ROBO1: variants seen among roughly 807,000 people sequenced by gnomAD.
ROBO1 encodes the protein roundabout guidance receptor 1.
Under a neutral mutation model 195.9 loss-of-function variants are expected in ROBO1, and 149 were observed. The observed-to-expected ratio is 0.76, with a 90% CI of 0.67 to 0.87. ROBO1 has a LOEUF of 0.87. ROBO1 is among the 40% of genes least tolerant of loss of function. The pLI is 0.00. For synonymous variants in ROBO1, 816 were observed against 733.2 expected, an observed-to-expected ratio of 1.11 and a Z score of -1.82; for missense variants, 1,933 against 2,068.3, an observed-to-expected ratio of 0.93 and a Z score of 1.27.
rs549941440 is a variant in ROBO1 at position 79,689,179 on chromosome 3, A to G, written c.-51+78573T>C. ...TCAAAAACACTAAGCTTAATACAGG[A>G]TATCAAACCTTTGATTTTAAAGTAC... On this transcript the variant is annotated intron_variant, in intron 1 of 30. Coordinates refer to ENST00000464233, the MANE Select transcript of ROBO1 (RefSeq NM_002941.4). 2.0e-5 allele frequency among the ~76,000 whole-genome samples: 3 copies of G among 152,166 alleles called. No individual in the cohort carries two copies. The South Asian group carries it at 6.2e-4, about 32-fold the overall frequency.
At chr3:79,145,839 A>T (rs369564600) in intron 2 of ROBO1, among the ~76,000 whole-genome samples, 1 of 152,038 alleles carries the variant, frequency 6.6e-6, no homozygotes, top group African/African-American at 2.4e-5. Context: ...CGAATTAAAT[A>T]AAATAAAATG....
chr3:79,306,980 A>C (rs1294159109), intron 2 of ROBO1, among the ~76,000 whole-genome samples: 1 of 152,116 alleles, frequency 6.6e-6, no homozygotes, highest in African/African-American at 2.4e-5. Flanking sequence ...CTGTTGTAGA[A>C]ATATATAGAA....
chr3:79,327,666 G>A (rs1377264987), intron 2 of ROBO1, among the ~76,000 whole-genome samples: 3 of 152,016 alleles, frequency 2.0e-5, no homozygotes, highest in Non-Finnish European at 4.4e-5. Context: ...ATCACCAGTT[G>A]CTTGTTTTTT....
chr3:78,851,529 TG>T (rs2034066522), intron 4 of ROBO1, among the ~76,000 whole-genome samples: 2 of 152,216 alleles, frequency 1.3e-5, no homozygotes, highest in Admixed American at 1.3e-4. Context: ...GCACATTTCC[TG>T]GCATACAGAA....
intron 1 of ROBO1, among the ~76,000 whole-genome samples, chr3:79,755,145 G>A (rs1368637815): frequency 1.3e-5 from 2 of 152,154 alleles, no homozygotes; most frequent in South Asian, 4.1e-4. Flanking sequence ...CTCCCAAAGT[G>A]CTGGGATTAC....
chr3:78,744,056 C>T (rs898262294), intron 5 of ROBO1, among the ~76,000 whole-genome samples: 8 of 152,138 alleles, frequency 5.3e-5, no homozygotes, highest in African/African-American at 1.9e-4. Context: ...GACAATTATA[C>T]TTGGATATCC....
chr3:78,899,207 C>CAACTTAAATAAGTA (rs1183471838), intron 4 of ROBO1, among the ~76,000 whole-genome samples: 1 of 152,090 alleles, frequency 6.6e-6, no homozygotes, highest in Non-Finnish European at 1.5e-5. Flanking sequence ...GGCTGAGGGA[C>CAACTTAAATAAGTA]AACTTAAATA....
chr3:79,126,624 A>T (rs2080220080), intron 2 of ROBO1, among the ~76,000 whole-genome samples: 1 of 152,204 alleles, frequency 6.6e-6, no homozygotes, highest in South Asian at 2.1e-4. Flanking sequence ...TCAAGTTCTG[A>T]TGTTCTGCGG....
intron 2 of ROBO1, among the ~76,000 whole-genome samples, chr3:79,268,765 A>G (rs1246970237): frequency 3.3e-5 from 5 of 151,658 alleles, no homozygotes; most frequent in Admixed American, 1.3e-4. Flanking sequence ...AACCTGTGCT[A>G]GTCTTCTAAC....
intron 2 of ROBO1, among the ~76,000 whole-genome samples, chr3:79,445,649 A>C (rs1480521728): frequency 6.7e-6 from 1 of 149,284 alleles, no homozygotes; most frequent in Non-Finnish European, 1.5e-5. Context: ...GGTGCACACC[A>C]TCAGGCCTGG....
intron 1 of ROBO1, among the ~76,000 whole-genome samples, chr3:79,630,019 A>C (rs1395843669): frequency 6.6e-6 from 1 of 152,186 alleles, no homozygotes; most frequent in East Asian, 1.9e-4. Context: ...AAAAAAGCTC[A>C]GAAACAGATG....
At chr3:79,447,730 T>C (rs2039311310) in intron 2 of ROBO1, among the ~76,000 whole-genome samples, 1 of 152,324 alleles carries the variant, frequency 6.6e-6, no homozygotes, top group South Asian at 2.1e-4. Context: ...ACTAATGTTA[T>C]GGATACACTA....
At chr3:78,892,933 T>A (rs938840110) in intron 4 of ROBO1, among the ~76,000 whole-genome samples, 2 of 152,130 alleles carry the variant, frequency 1.3e-5, no homozygotes, top group Non-Finnish European at 2.9e-5. Flanking sequence ...CTCTCCTCCA[T>A]CAGGTAACCA....
intron 2 of ROBO1, among the ~76,000 whole-genome samples, chr3:79,574,090 G>A (rs1304550372): frequency 6.6e-6 from 1 of 151,892 alleles, no homozygotes; most frequent in African/African-American, 2.4e-5. Flanking sequence ...AAAATTTTAG[G>A]GTGGTTATGT....
intron 2 of ROBO1, among the ~76,000 whole-genome samples, chr3:79,531,935 C>A (rs1941678764): frequency 2.0e-5 from 3 of 152,130 alleles, no homozygotes; most frequent in Non-Finnish European, 4.4e-5. Context: ...ATAGTAGGAA[C>A]AGGAGAATTA....
intron 2 of ROBO1, among the ~76,000 whole-genome samples, chr3:79,268,932 T>C (rs1227533439): frequency 6.6e-6 from 1 of 151,752 alleles, no homozygotes; most frequent in African/African-American, 2.4e-5. Context: ...ATATTTAAAA[T>C]ATTTCATAAT....
chr3:78,682,405 AT>A (rs970208207), intron 10 of ROBO1, among the ~76,000 whole-genome samples: 3 of 150,422 alleles, frequency 2.0e-5, no homozygotes, highest in African/African-American at 7.3e-5. Flanking sequence ...ATATCAAAAA[AT>A]ATATATACAC....
intron 4 of ROBO1, among the ~76,000 whole-genome samples, chr3:78,900,165 A>G (rs533984788): frequency 8.5e-5 from 13 of 152,352 alleles, no homozygotes; most frequent in Admixed American, 2.6e-4. Flanking sequence ...TCAGTTACAC[A>G]TAACTGCACT....
chr3:79,300,251 C>G (rs954769093), intron 2 of ROBO1, among the ~76,000 whole-genome samples: 6 of 152,214 alleles, frequency 3.9e-5, no homozygotes, highest in African/African-American at 1.2e-4. Flanking sequence ...CGGCTGCGCT[C>G]GGCGCTTGCG....
Sources: allele counts gnomAD v4.1 joint callset (sites outside exome capture counted in the v4.1 genomes callset), GRCh38; gene constraint gnomAD v4.1.1; transcripts MANE v1.5; gene names NCBI Gene and HGNC (gene_info 2026-07-23, HGNC 2026-07-21).